TUBGCP2: variants seen among roughly 807,000 people sequenced by gnomAD.
The protein encoded by TUBGCP2 is gamma-tubulin complex component 2.
TUBGCP2 carries 55 observed loss-of-function variants against 92.2 expected under a neutral mutation model. That is an observed-to-expected ratio of 0.60 (90% CI 0.48 to 0.75). The LOEUF is 0.75. Among genes scored for constraint, TUBGCP2 ranks in the 30% least tolerant of loss-of-function variants. The pLI, the probability that TUBGCP2 is intolerant of heterozygous loss-of-function variation, is 0.00. For synonymous variants in TUBGCP2, 533 were observed against 505.2 expected, an observed-to-expected ratio of 1.06 and a Z score of -0.74; for missense variants, 1,093 against 1,188.9, an observed-to-expected ratio of 0.92 and a Z score of 1.19.
At chr10:133,302,563 T>C in intron 2 of TUBGCP2, 1 of 511,256 alleles carries the variant, frequency 2.0e-6, no homozygotes, top group East Asian at 3.3e-5. Context: ...GACTGAGGGG[T>C]GGGTTCACCC....
intron 6 of TUBGCP2, 83 bp from the exon 7 acceptor site, chr10:133,293,321 C>T: frequency 1.3e-6 from 2 of 1,512,734 alleles, no homozygotes; most frequent in Non-Finnish European, 1.8e-6. Context: ...TCATCCCAAA[C>T]AGGAAGCAAA....
intron 13 of TUBGCP2, 134 bp from the exon 14 acceptor site, chr10:133,284,136 C>T: frequency 7.2e-7 from 1 of 1,389,712 alleles, no homozygotes; most frequent in Non-Finnish European, 9.5e-7. Flanking sequence ...AGAGCAAGCG[C>T]CCCTCCCAGC....
Position 133,286,685 on chromosome 10 carries a change from C to T in TUBGCP2, c.1723-1057G>A, listed in dbSNP as rs141550970. Among the ~76,000 whole-genome samples, 714 of 152,032 alleles carry T rather than the reference C, an allele frequency of 4.7e-3. 5 individuals carry two copies. The highest frequency in any genetic ancestry group is 0.016 in the African/African-American group (669 of 41,318). On this transcript the variant is annotated intron_variant, in intron 11 of 17. Coordinates refer to ENST00000252936, the MANE Select transcript of TUBGCP2 (RefSeq NM_006659.4). ...TCAATACATTTCACAAAACTGAAAT[C>T]ACAAAAAGTCTGTTCTCTAACAAGG...
rs376864646 is a variant in TUBGCP2, at chr10:133,285,034, T to G, written c.2024+51A>C. 283 of 1,555,172 alleles carry G rather than the reference T, an allele frequency of 1.8e-4. 1 individual carries two copies. Among genetic ancestry groups the G allele is most frequent in the Non-Finnish European group, 2.4e-4 (272 of 1,147,588 alleles). Reference sequence around the variant, plus strand: ...GGGGGCGCTGCACCACTGGGCAGAGTGCAGCGAGCGCTGCTTCAGGAGGGC... The same window carrying G: ...GGGGGCGCTGCACCACTGGGCAGAGGGCAGCGAGCGCTGCTTCAGGAGGGC... On this transcript the variant is annotated intron_variant, in intron 13 of 17. Coordinates refer to ENST00000252936, the MANE Select transcript of TUBGCP2 (RefSeq NM_006659.4). The surrounding 1 kb of genome is among the most constrained non-coding windows in gnomAD (Gnocchi z 6.8).
At chr10:133,311,741 G>T (rs142332607), upstream of TUBGCP2, 1,450 of 1,613,598 alleles carry the variant, frequency 9.0e-4, 9 homozygotes, top group African/African-American at 0.017. Flanking sequence ...AGCCCCAGGG[G>T]ACAGTGGAGA....
rs750195638 is a variant in TUBGCP2 at position 133,288,815 on chromosome 10, G to A, written c.1541+25C>T. On this transcript the variant is annotated intron_variant, in intron 10 of 17. Transcript: ENST00000252936. ...CGGTTTCAGAGGGAGGTGAGTGCCC[G>A]CACAGGGACAGGGCACGGAATCACC... 54 of 1,574,486 alleles carry A rather than the reference G, an allele frequency of 3.4e-5. No homozygotes were observed. In the East Asian group the frequency reaches 7.4e-4, roughly 22 times the overall value.
chr10:133,299,379 CA>C lies in TUBGCP2; in HGVS notation c.456+47del, dbSNP rs781217152. 31 of 1,507,194 alleles carry C rather than the reference CA, an allele frequency of 2.1e-5. 1 individual carries two copies. The highest frequency in any genetic ancestry group is 2.7e-5 in the Non-Finnish European group (30 of 1,129,384). The allele number at this position is 1,507,194 out of a possible 1,614,324, so 93.4% of individuals were successfully genotyped here. On this transcript the variant is annotated intron_variant, in intron 4 of 17. Transcript: ENST00000252936. ...TGGGTGCCTGTGGACGCCACGGACA[CA>C]GGACCTGCTGCAGCATGGAGCCTGT...
intron 1 of TUBGCP2, among the ~76,000 whole-genome samples, chr10:133,303,912 T>G (rs542058612): frequency 6.6e-6 from 1 of 152,190 alleles, no homozygotes; most frequent in Non-Finnish European, 1.5e-5. Context: ...AGCAGAACAC[T>G]GCGTGGGGTC....
intron 8 of TUBGCP2, chr10:133,290,343 A>G (rs1053031915): frequency 6.9e-5 from 13 of 188,508 alleles, no homozygotes; most frequent in African/African-American, 2.8e-4. Flanking sequence ...AATACAAAAA[A>G]TCAGCTGGGC....
At chr10:133,312,018 T>TA (rs1295267587), upstream of TUBGCP2, 13 of 1,569,168 alleles carry the variant, frequency 8.3e-6, no homozygotes, top group African/African-American at 1.4e-5. Flanking sequence ...GTGAATAACT[T>TA]AGTTTCTCTC....
chr10:133,293,344 A>G, intron 6 of TUBGCP2, 106 bp from the exon 7 acceptor site: 11 of 1,374,744 alleles, frequency 8.0e-6, no homozygotes, highest in Non-Finnish European at 9.1e-6. Flanking sequence ...ACTCACTTGA[A>G]CCCCACATCC....
chr10:133,311,019 C>T (rs1357431758), upstream of TUBGCP2, among the ~76,000 whole-genome samples: 2 of 152,204 alleles, frequency 1.3e-5, no homozygotes, highest in Non-Finnish European at 2.9e-5. Flanking sequence ...CCAGTCTGGT[C>T]GTGAACTCCT....
At position 133,293,198 on chromosome 10, in the gene TUBGCP2, TCAC is replaced by T; in HGVS notation, c.862_864del (p.Val288del). On this transcript the variant is annotated inframe_deletion, in exon 7 of 18. Coordinates refer to ENST00000252936, the MANE Select transcript of TUBGCP2 (RefSeq NM_006659.4). ...CGCATGGCGGCCGCCAGGGCGTGGT[TCAC>T]CTGCCCGTACTCGAAGGAAGACTTC... The T allele has an allele frequency of 6.2e-7, 1 of 1,613,834 alleles. No individual in the cohort carries two copies. The highest frequency in any genetic ancestry group is 8.5e-7 in the Non-Finnish European group (1 of 1,180,038).
Position 133,279,685 on chromosome 10 carries a change from A to T in TUBGCP2, c.*81T>A. The T allele has an allele frequency of 2.1e-6, 3 of 1,460,134 alleles. No homozygotes were observed. The highest frequency in any genetic ancestry group is 2.9e-5 in the Admixed American group (1 of 34,686). The allele number at this position is 1,460,134 out of a possible 1,614,324, so 90.4% of individuals were successfully genotyped here. On this transcript the variant is annotated 3_prime_UTR_variant, in exon 18 of 18. Transcript: ENST00000252936. The stretch of plus-strand genomic sequence containing the variant: ...TTTAAACTGCAAAGACAGAACACAG[A>T]GCATTCGATTTGAAAATTCTGGACC...
At chr10:133,298,937 TGA>T (rs1375122551) in intron 4 of TUBGCP2, among the ~76,000 whole-genome samples, 3 of 152,224 alleles carry the variant, frequency 2.0e-5, no homozygotes, top group Non-Finnish European at 2.9e-5. Context: ...GCAGCTCTAA[TGA>T]GAGAGACTGG....
At chr10:133,309,332 G>A, upstream of TUBGCP2, 2 of 1,575,666 alleles carry the variant, frequency 1.3e-6, no homozygotes, top group Non-Finnish European at 1.7e-6. Context: ...GGCGAGGCCT[G>A]ACGCGGTGGG....
intron 2 of TUBGCP2, 69 bp from the exon 3 acceptor site, chr10:133,300,182 G>A (rs919772095): frequency 8.3e-6 from 13 of 1,557,632 alleles, no homozygotes; most frequent in Middle Eastern, 1.8e-4. Context: ...AAACCTTTAC[G>A]AAAATTGAAC....
At chr10:133,309,643 C>T (rs141203396), upstream of TUBGCP2, 285 of 1,287,970 alleles carry the variant, frequency 2.2e-4, 1 homozygote, top group African/African-American at 3.5e-3. Flanking sequence ...AAACTTAATT[C>T]ATAAAAAGAG....
chr10:133,285,252 G>A lies in TUBGCP2; in HGVS notation c.1896-39C>T, dbSNP rs1847101632. 3 of 1,608,220 alleles carry A rather than the reference G, an allele frequency of 1.9e-6. No homozygotes were observed. Among genetic ancestry groups the A allele is most frequent in the Non-Finnish European group, 2.5e-6 (3 of 1,179,834 alleles). On this transcript the variant is annotated intron_variant, in intron 12 of 17. Transcript: ENST00000252936. This position sits in a 1 kb window ranked among gnomAD's most constrained non-coding sequence, Gnocchi z 6.8. ...GGCGGCACCTCAGGTGGGCCTCCGT[G>A]ACCGGCGGCGTCGTGGACACGGCGT...
Sources: gnomAD v4.1 joint callset for allele counts (sites outside exome capture counted in the v4.1 genomes callset) on GRCh38, gnomAD v4.1.1 for gene constraint, Gnocchi (gnomAD v3.1) non-coding constraint, MANE v1.5 for transcripts, NCBI Gene and HGNC (gene_info 2026-07-23, HGNC 2026-07-21) for gene names.